AHRR: variants seen among roughly 807,000 people sequenced by gnomAD.
AHRR encodes aryl hydrocarbon receptor repressor.
AHRR carries 28 observed loss-of-function variants against 44.0 expected under a neutral mutation model. That is an observed-to-expected ratio of 0.64 (90% CI 0.47 to 0.87). The LOEUF (loss-of-function observed/expected upper bound fraction) is 0.87. AHRR is among the 40% of genes least tolerant of loss of function. The pLI, the probability that AHRR is intolerant of heterozygous loss-of-function variation, is 0.00. For missense variants in AHRR, 990 were observed against 953.9 expected, an observed-to-expected ratio of 1.04 and a Z score of -0.50; for synonymous variants, 434 against 407.0, an observed-to-expected ratio of 1.07 and a Z score of -0.80.
In AHRR at chr5:423,776, G is replaced by C. The variant is rs930631327; in HGVS notation, c.572-65G>C. 1.2e-5 allele frequency: 18 copies of C among 1,533,752 alleles called. No individual in the cohort carries two copies. The Admixed American group carries it at 1.9e-4, about 16-fold the overall frequency. ...GCGCGTGAGAGCCGTGGGCGTGGTT[G>C]TGCGTGTGACACGTGTGTTTTGGCT... is the stretch of plus-strand genomic sequence containing the variant. On this transcript the variant is annotated intron_variant, in intron 6 of 10. Transcript: ENST00000684583.
intron 1 of AHRR, among the ~76,000 whole-genome samples, chr5:341,864 T>C (rs1245709618): frequency 1.3e-5 from 2 of 152,222 alleles, no homozygotes; most frequent in Non-Finnish European, 2.9e-5. Flanking sequence ...ATCAAAGTAC[T>C]GGTTAGCTGC....
intron 10 of AHRR, 45 bp from the exon 11 acceptor site, chr5:433,808 G>C (rs1736852839): frequency 6.2e-6 from 9 of 1,460,136 alleles, no homozygotes; most frequent in Non-Finnish European, 8.1e-6. Context: ...AGCCAGACCT[G>C]GTGTCTTCAG....
At chr5:431,248 C>T (rs994162369) in intron 8 of AHRR, among the ~76,000 whole-genome samples, 2 of 152,198 alleles carry the variant, frequency 1.3e-5, no homozygotes, top group African/African-American at 4.8e-5. Context: ...AAGGTCACAG[C>T]GCTCCTCCTG....
chr5:427,012 G>GTGGATGGATGGGTGGA (rs1736443220), intron 7 of AHRR, among the ~76,000 whole-genome samples: 1 of 140,126 alleles, frequency 7.1e-6, no homozygotes, highest in African/African-American at 2.7e-5. Context: ...GGATGGGTGG[G>GTGGATGGATGGGTGGA]TGGATGGATG....
chr5:421,676 C>T (rs993399804), intron 5 of AHRR, among the ~76,000 whole-genome samples: 2 of 152,180 alleles, frequency 1.3e-5, no homozygotes, highest in Non-Finnish European at 1.5e-5. Context: ...TCTGTGACAG[C>T]GCATTCACAG....
chr5:369,831 C>G (rs997517017), intron 3 of AHRR, among the ~76,000 whole-genome samples: 1 of 152,232 alleles, frequency 6.6e-6, no homozygotes, highest in Non-Finnish European at 1.5e-5. Flanking sequence ...GTACATATTA[C>G]AATTCATCTT....
intron 5 of AHRR, chr5:422,448 A>G: frequency 2.2e-6 from 1 of 460,374 alleles, no homozygotes; most frequent in East Asian, 4.5e-5. Flanking sequence ...TCTGCGGCCC[A>G]GAAGATGCCC....
intron 1 of AHRR, among the ~76,000 whole-genome samples, chr5:339,944 C>T (rs539027517): frequency 6.6e-6 from 1 of 152,274 alleles, no homozygotes; most frequent in East Asian, 1.9e-4. Context: ...ATTCTATTTG[C>T]CAATACCTAT....
intron 8 of AHRR, among the ~76,000 whole-genome samples, chr5:428,984 G>C (rs961614645): frequency 6.6e-6 from 1 of 152,262 alleles, no homozygotes; most frequent in Non-Finnish European, 1.5e-5. Flanking sequence ...ACTCGCTTGC[G>C]CAGGGCCCAC....
At chr5:366,924 G>A (rs1743378896) in intron 3 of AHRR, among the ~76,000 whole-genome samples, 1 of 152,240 alleles carries the variant, frequency 6.6e-6, no homozygotes, top group South Asian at 2.1e-4. Flanking sequence ...GGATGGAGAG[G>A]TGGCAGGGAC....
chr5:414,133 T>C (rs1037714854), intron 5 of AHRR, among the ~76,000 whole-genome samples: 8 of 151,980 alleles, frequency 5.3e-5, no homozygotes, highest in South Asian at 2.1e-4. Flanking sequence ...TGTGGTGGCG[T>C]GCACCCGTAG....
Position 432,823 on chromosome 5 carries a change from A to G in AHRR, c.988A>G (p.Ser330Gly), listed in dbSNP as rs1258727015. 1.2e-6 allele frequency: 2 copies of G among 1,613,554 alleles called. No homozygotes were observed. The highest frequency in any genetic ancestry group is 1.7e-6 in the Non-Finnish European group (2 of 1,179,992). The change falls in exon 10 of 11, where the codon AGC becomes GGC. Residue 330 changes from serine (S) to glycine (G), a missense_variant. Ser to Gly is a moderately conservative substitution (Grantham distance 56). Coordinates refer to ENST00000684583, the MANE Select transcript of AHRR (RefSeq NM_001377236.1). ...NYSAGRSSRESGVLVLREQTD... is the reference protein window; with the variant it reads ...NYSAGRSSREGGVLVLREQTD... Reference sequence around the variant, plus strand: ...CCCAACAGGAAGGAGCAGCAGAGAGAGCGGCGTTTTGGTGCTCAGGGAACA... The same window carrying G: ...CCCAACAGGAAGGAGCAGCAGAGAGGGCGGCGTTTTGGTGCTCAGGGAACA...
intron 1 of AHRR, among the ~76,000 whole-genome samples, chr5:323,805 T>C (rs1175683180): frequency 2.0e-5 from 3 of 151,986 alleles, no homozygotes; most frequent in African/African-American, 7.3e-5. Context: ...GAAAGCGCCA[T>C]GTGGTCTGGG....
chr5:391,445 AGGGCGAGGCAGGGCCAGAGCGTG>A, intron 4 of AHRR, among the ~76,000 whole-genome samples: 2 of 106,160 alleles, frequency 1.9e-5, no homozygotes, highest in African/African-American at 1.1e-4. Context: ...AGGCGGGCGC[AGGGCGAGGCAGGGCCAGAGCGTG>A]CACGGGGGCA....
In AHRR at chr5:370,635, TG is replaced by T. The variant is rs1334883660; in HGVS notation, c.245-5972del. ...TGACAGGGGTGGGGTGGACAGCCCA[TG>T]GGAAGGTGTGGGTGATGGGGGGACA... On this transcript the variant is annotated intron_variant, in intron 3 of 10. Coordinates refer to ENST00000684583, the MANE Select transcript of AHRR (RefSeq NM_001377236.1). The surrounding 1 kb of genome is among the most constrained non-coding windows in gnomAD (Gnocchi z 4.5). 6.8e-6 allele frequency among the ~76,000 whole-genome samples: 1 copy of T among 147,912 alleles called. No homozygotes were observed. Among genetic ancestry groups the T allele is most frequent in the Non-Finnish European group, 1.5e-5 (1 of 66,788 alleles).
At chr5:410,061 A>G (rs1322227871) in intron 4 of AHRR, among the ~76,000 whole-genome samples, 1 of 152,252 alleles carries the variant, frequency 6.6e-6, no homozygotes, top group Non-Finnish European at 1.5e-5. Flanking sequence ...GCTGAGGGTC[A>G]GCTTGTCTAT....
intron 3 of AHRR, 53 bp from the exon 4 acceptor site, chr5:376,557 A>AACCGTGGGGTGAAC (rs368685976): frequency 4.6e-5 from 66 of 1,429,112 alleles, no homozygotes; most frequent in South Asian, 5.6e-5. Flanking sequence ...AATGAAGAAG[A>AACCGTGGGGTGAAC]GTGGCCAGGC....
intron 8 of AHRR, among the ~76,000 whole-genome samples, chr5:430,058 T>C (rs924652556): frequency 3.9e-5 from 6 of 152,238 alleles, no homozygotes; most frequent in African/African-American, 1.4e-4. Context: ...GTCCCCGCCC[T>C]GTTCTGGGCG....
chr5:425,216 G>T (rs923164860), intron 7 of AHRR, among the ~76,000 whole-genome samples: 2 of 152,266 alleles, frequency 1.3e-5, no homozygotes, highest in African/African-American at 4.8e-5. Flanking sequence ...CCCACTGGGT[G>T]CCTGGTGGAA....
Sources: allele counts gnomAD v4.1 joint callset (sites outside exome capture counted in the v4.1 genomes callset), GRCh38; gene constraint gnomAD v4.1.1; non-coding constraint Gnocchi (gnomAD v3.1); transcripts MANE v1.5; gene names NCBI Gene and HGNC (gene_info 2026-07-23, HGNC 2026-07-21).